IL23R: variants seen among roughly 807,000 people sequenced by gnomAD.
IL23R encodes interleukin 23 receptor, also known as interleukin-23 receptor.
A neutral mutation model predicts 56.9 loss-of-function variants in IL23R; 34 were observed. That is an observed-to-expected ratio of 0.60 (90% confidence interval 0.45 to 0.80). The LOEUF is 0.80. Among genes scored for constraint, IL23R ranks in the 30% least tolerant of loss-of-function variants. The probability of loss-of-function intolerance (pLI) is 0.00; values close to 1 mark genes in which losing one functional copy is unlikely to be tolerated. For synonymous variants in IL23R, 230 were observed against 249.2 expected (o/e 0.92, Z 0.73); for missense variants, 635 against 730.0 (o/e 0.87, Z 1.50).
At chr1:67,139,184 C>G (rs1303689269) in intron 1 of IL23R, 1 of 152,090 alleles carries the variant, frequency 6.6e-6, no homozygotes, top group Non-Finnish European at 1.5e-5. Context: ...TGTGTATAAA[C>G]CAGTCTGATT....
At chr1:67,189,312 A>G (rs961247865) in intron 4 of IL23R, among the ~76,000 whole-genome samples, 2 of 152,170 alleles carry the variant, frequency 1.3e-5, no homozygotes, top group African/African-American at 2.4e-5. Context: ...CTAGAAATAG[A>G]CATTTCCTGA....
chr1:67,232,024 G>T (rs1368461862), intron 7 of IL23R, among the ~76,000 whole-genome samples: 1 of 151,894 alleles, frequency 6.6e-6, no homozygotes, highest in African/African-American at 2.4e-5. Context: ...TGTCTCAAAA[G>T]AAAAAAATTG....
intron 1 of IL23R, among the ~76,000 whole-genome samples, chr1:67,160,063 G>A (rs1646804919): frequency 6.6e-6 from 1 of 151,878 alleles, no homozygotes; most frequent in African/African-American, 2.4e-5. Context: ...ATGTTGCCCA[G>A]GCTGGTCTCA....
chr1:67,163,976 A>G (rs750527734), upstream of IL23R, among the ~76,000 whole-genome samples: 22 of 152,224 alleles, frequency 1.4e-4, no homozygotes, highest in Non-Finnish European at 2.5e-4. Context: ...TAGATATGAC[A>G]CTGAAAAAAC....
chr1:67,140,012 C>A (rs1206339624), intron 1 of IL23R, among the ~76,000 whole-genome samples: 1 of 152,122 alleles, frequency 6.6e-6, no homozygotes, highest in Non-Finnish European at 1.5e-5. Context: ...CATGTGATGC[C>A]CTGTGCCACC....
At chr1:67,247,829 C>A (rs1267437063) in intron 9 of IL23R, among the ~76,000 whole-genome samples, 1 of 152,154 alleles carries the variant, frequency 6.6e-6, no homozygotes, top group Non-Finnish European at 1.5e-5. Context: ...AATCTCTCAG[C>A]ATTTGCTTGT....
At chr1:67,186,386 T>C (rs1647334704) in intron 4 of IL23R, among the ~76,000 whole-genome samples, 2 of 152,176 alleles carry the variant, frequency 1.3e-5, no homozygotes, top group Admixed American at 1.3e-4. Context: ...TCACCTTATT[T>C]AAAGTATATC....
intron 7 of IL23R, among the ~76,000 whole-genome samples, chr1:67,232,677 T>A (rs776480885): frequency 3.3e-5 from 5 of 152,196 alleles, no homozygotes; most frequent in Non-Finnish European, 7.3e-5. Context: ...AAGTTTAGCA[T>A]GTTACCTGTG....
upstream of IL23R, among the ~76,000 whole-genome samples, chr1:67,164,179 A>C (rs558062701): frequency 6.6e-6 from 1 of 152,256 alleles, no homozygotes; most frequent in East Asian, 1.9e-4. Context: ...AAAAACAATA[A>C]AGGCCAGAAA....
Position 67,206,938 on chromosome 1 carries a change from G to A in IL23R, c.681G>A (p.Arg227=), listed in dbSNP as rs754893493. 3.8e-6 allele frequency: 6 copies of A among 1,589,558 alleles called. No individual in the cohort carries two copies. The highest frequency in any genetic ancestry group is 1.7e-5 in the Admixed American group (1 of 58,650). The part of the protein sequence containing the change: ...IVIPSAAVIS[R]AETINATVPK... The stretch of plus-strand genomic sequence containing the variant: ...TACCTTCTGCAGCCGTCATTTCCAG[G>A]GCTGAGACTATAAATGCTACAGTGC... Residue 227 remains arginine, a synonymous_variant, in exon 6 of 11, where the codon AGG becomes AGA. Coordinates refer to ENST00000347310, the MANE Select transcript of IL23R (RefSeq NM_144701.3).
intron 9 of IL23R, among the ~76,000 whole-genome samples, chr1:67,248,251 G>A (rs996117032): frequency 1.1e-4 from 17 of 152,206 alleles, no homozygotes; most frequent in Admixed American, 5.9e-4. Context: ...TAGGTACACC[G>A]TTCAAACATA....
rs1411491676 is a variant in IL23R at position 67,259,323 on chromosome 1, T to A, written c.*195T>A. 5 of 597,646 alleles carry A rather than the reference T, an allele frequency of 8.4e-6. No homozygotes were observed. The highest frequency in any genetic ancestry group is 1.5e-5 in the Non-Finnish European group (5 of 338,338). The allele number at this position is 597,646 out of a possible 1,614,324, so 37.0% of individuals were successfully genotyped here. On this transcript the variant is annotated 3_prime_UTR_variant, in exon 11 of 11. Coordinates refer to ENST00000347310, the MANE Select transcript of IL23R (RefSeq NM_144701.3). Reference sequence around the variant, plus strand: ...TGCTGGGCCATATGATAAGCATATGTTTCAGTTCTACCAATCTTGTTTCCA... The same window carrying A: ...TGCTGGGCCATATGATAAGCATATGATTCAGTTCTACCAATCTTGTTTCCA...
chr1:67,235,606 C>A lies in IL23R; in HGVS notation c.956-1107C>A, dbSNP rs1458553382. On this transcript the variant is annotated intron_variant, in intron 7 of 10. Transcript: ENST00000347310. ...ACAGGGTTTCACCATGTTGCCCAGG[C>A]TGGTCTCAACTCCTGGCCTCAAGTG... Among the ~76,000 whole-genome samples the A allele has an allele frequency of 2.0e-5, 3 of 152,238 alleles. No individual in the cohort carries two copies. In the East Asian group the frequency reaches 5.8e-4, roughly 29 times the overall value.
At chr1:67,218,713 C>T (rs1291617797) in intron 6 of IL23R, among the ~76,000 whole-genome samples, 7 of 151,764 alleles carry the variant, frequency 4.6e-5, no homozygotes, top group Admixed American at 4.6e-4. Context: ...GACTTGTGCC[C>T]AGGAGACCAG....
At chr1:67,183,983 C>G (rs969079638) in intron 4 of IL23R, among the ~76,000 whole-genome samples, 2 of 152,210 alleles carry the variant, frequency 1.3e-5, no homozygotes, top group African/African-American at 4.8e-5. Context: ...CCTGTAATCC[C>G]AGCACTTTGG....
chr1:67,222,102 C>CTTTTTTTTTTTTTTTT (rs72241835), intron 7 of IL23R, among the ~76,000 whole-genome samples: 165 of 58,900 alleles, frequency 2.8e-3, no homozygotes, highest in Middle Eastern at 0.012. Context: ...TTCTTTCTTT[C>CTTTTTTTTTTTTTTTT]TTTTTTTTTT....
chr1:67,159,425 G>A (rs187074451), intron 1 of IL23R, among the ~76,000 whole-genome samples: 58 of 152,236 alleles, frequency 3.8e-4, no homozygotes, highest in Admixed American at 3.2e-3. Context: ...TCCTAGTCAT[G>A]CTTCTTGTGA....
At chr1:67,163,998 G>A (rs1166828940), upstream of IL23R, among the ~76,000 whole-genome samples, 1 of 151,716 alleles carries the variant, frequency 6.6e-6, no homozygotes, top group Non-Finnish European at 1.5e-5. Flanking sequence ...AGCAACAAAA[G>A]CAAAAATAAA....
At chr1:67,199,356 C>A (rs1236301060) in intron 4 of IL23R, among the ~76,000 whole-genome samples, 1 of 152,118 alleles carries the variant, frequency 6.6e-6, no homozygotes, top group African/African-American at 2.4e-5. Context: ...GATCTCTCAC[C>A]CCATCCTGAC....
Sources: gnomAD v4.1 joint callset for allele counts (sites outside exome capture counted in the v4.1 genomes callset) on GRCh38, gnomAD v4.1.1 for gene constraint, MANE v1.5 for transcripts, NCBI Gene and HGNC (gene_info 2026-07-23, HGNC 2026-07-21) for gene names.